LHFPL6: variants seen among roughly 807,000 people sequenced by gnomAD.
The protein encoded by LHFPL6 is LHFPL tetraspan subfamily member 6.
A neutral mutation model predicts 20.6 loss-of-function variants in LHFPL6; 9 were observed. That is an observed-to-expected ratio of 0.44 (90% CI 0.26 to 0.76). The LOEUF is 0.76. Among genes scored for constraint, LHFPL6 ranks in the 30% least tolerant of loss-of-function variants. The probability of loss-of-function intolerance (pLI) is 0.20; values close to 1 mark genes in which losing one functional copy is unlikely to be tolerated. For synonymous variants in LHFPL6, 105 were observed against 98.7 expected (o/e 1.06, Z -0.38); for missense variants, 218 against 253.5 (o/e 0.86, Z 0.95).
chr13:39,420,550 T>C (rs1305677346), intron 2 of LHFPL6, among the ~76,000 whole-genome samples: 1 of 152,200 alleles, frequency 6.6e-6, no homozygotes, highest in African/African-American at 2.4e-5. Context: ...CTTCCAGAAC[T>C]GATTTGTAGA....
chr13:39,519,336 A>G (rs1410079347), intron 2 of LHFPL6, among the ~76,000 whole-genome samples: 1 of 152,208 alleles, frequency 6.6e-6, no homozygotes, highest in African/African-American at 2.4e-5. Context: ...TCTATAGTAA[A>G]TCCACCTATT....
At chr13:39,533,761 T>A (rs1260850356) in intron 2 of LHFPL6, among the ~76,000 whole-genome samples, 1 of 152,222 alleles carries the variant, frequency 6.6e-6, no homozygotes, top group Admixed American at 6.5e-5. Flanking sequence ...CATATTTCCA[T>A]GTCTGAAGCA....
intron 2 of LHFPL6, among the ~76,000 whole-genome samples, chr13:39,458,495 G>C (rs548699385): frequency 1.3e-5 from 2 of 151,972 alleles, no homozygotes; most frequent in Non-Finnish European, 2.9e-5. Context: ...TCAGAAGTTC[G>C]AGACCAGCCT....
chr13:39,484,820 G>A (rs904636103), intron 2 of LHFPL6, among the ~76,000 whole-genome samples: 4 of 152,218 alleles, frequency 2.6e-5, no homozygotes, highest in African/African-American at 9.6e-5. Flanking sequence ...TGTGCAAAAT[G>A]AGGAGGTGCG....
chr13:39,483,787 G>C (rs1868620152), intron 2 of LHFPL6, among the ~76,000 whole-genome samples: 1 of 152,194 alleles, frequency 6.6e-6, no homozygotes, highest in Non-Finnish European at 1.5e-5. Flanking sequence ...GCCAGCACTT[G>C]CTTGTGATTA....
At chr13:39,476,497 T>C (rs1216180404) in intron 2 of LHFPL6, among the ~76,000 whole-genome samples, 1 of 152,242 alleles carries the variant, frequency 6.6e-6, no homozygotes, top group African/African-American at 2.4e-5. Flanking sequence ...GTCCTTGGCA[T>C]AAATTCTTTT....
chr13:39,483,478 T>C (rs952642048), intron 2 of LHFPL6, among the ~76,000 whole-genome samples: 1 of 143,626 alleles, frequency 7.0e-6, no homozygotes. Context: ...GTCTTCCTCA[T>C]TACAATTTTT....
At chr13:39,438,743 G>A (rs34726522) in intron 2 of LHFPL6, among the ~76,000 whole-genome samples, 2 of 152,350 alleles carry the variant, frequency 1.3e-5, no homozygotes, top group Non-Finnish European at 2.9e-5. Flanking sequence ...GTAAAGCTTA[G>A]GCCACAGTTT....
At chr13:39,344,195 T>C (rs1297189937) in intron 3 of LHFPL6, 141 bp from the exon 4 acceptor site, 1 of 617,128 alleles carries the variant, frequency 1.6e-6, no homozygotes, top group Non-Finnish European at 2.8e-6. Context: ...AATAATGTGC[T>C]GAAAGTTATC....
In LHFPL6 at chr13:39,442,130, G is replaced by A. The variant is rs1872156062; in HGVS notation, c.386-63604C>T. 7.2e-5 allele frequency among the ~76,000 whole-genome samples: 11 copies of A among 152,098 alleles called. No individual in the cohort carries two copies. The South Asian group carries it at 2.3e-3, about 32-fold the overall frequency. ...AGGCATGAGCCACCGCCCCCAGCTG[G>A]CTAAAACTTCTTTAGGTGTCTCTAC... On this transcript the variant is annotated intron_variant, in intron 2 of 3. Transcript: ENST00000379589.
chr13:39,457,096 G>A (rs1201883859), intron 2 of LHFPL6, among the ~76,000 whole-genome samples: 1 of 151,928 alleles, frequency 6.6e-6, no homozygotes, highest in Non-Finnish European at 1.5e-5. Context: ...CACAGCACTT[G>A]GCCAAATTAG....
At chr13:39,488,729 A>G (rs979932771) in intron 2 of LHFPL6, among the ~76,000 whole-genome samples, 3 of 152,232 alleles carry the variant, frequency 2.0e-5, no homozygotes, top group African/African-American at 4.8e-5. Flanking sequence ...TCCTGAAAAC[A>G]TGAAGCAAAG....
chr13:39,380,771 G>T (rs496593), intron 2 of LHFPL6, among the ~76,000 whole-genome samples: 85,571 of 151,952 alleles, frequency 0.56, 25,117 homozygotes, highest in Admixed American at 0.69. Context: ...GGGATGACAG[G>T]TGTGAACCAC....
At chr13:39,368,935 T>G (rs2138351536) in intron 3 of LHFPL6, among the ~76,000 whole-genome samples, 1 of 152,256 alleles carries the variant, frequency 6.6e-6, no homozygotes, top group South Asian at 2.1e-4. Flanking sequence ...GTTTTATATT[T>G]TATATATTCT....
At chr13:39,394,250 T>C (rs1466991082) in intron 2 of LHFPL6, among the ~76,000 whole-genome samples, 1 of 152,156 alleles carries the variant, frequency 6.6e-6, no homozygotes, top group Non-Finnish European at 1.5e-5. Context: ...CCAAATTTCC[T>C]CTTGCGATAA....
chr13:39,472,591 CTTTATT>C (rs924213256), intron 2 of LHFPL6, among the ~76,000 whole-genome samples: 2 of 151,968 alleles, frequency 1.3e-5, no homozygotes, highest in African/African-American at 2.4e-5. Context: ...TTCTTCCCCT[CTTTATT>C]TTATCATTTT....
chr13:39,436,135 G>GTAAAA (rs1251763922), intron 2 of LHFPL6, among the ~76,000 whole-genome samples: 1 of 152,020 alleles, frequency 6.6e-6, no homozygotes, highest in Admixed American at 6.6e-5. Context: ...TGTTAAGCAT[G>GTAAAA]TAAAGAAAGG....
At chr13:39,363,823 C>T (rs1161587780) in intron 3 of LHFPL6, among the ~76,000 whole-genome samples, 3 of 152,052 alleles carry the variant, frequency 2.0e-5, no homozygotes, top group African/African-American at 7.2e-5. Context: ...ACACCCAGAA[C>T]AAAAAGCTAT....
At position 39,343,623 on chromosome 13, in the gene LHFPL6, G is replaced by GTT; in HGVS notation, c.*312_*313insAA. ...ATTTGTTGTGTGTGTGTGTGTGTGT[G>GTT]TGTGTGTGTGTGTGTGTGTGTGTGT... is the stretch of plus-strand genomic sequence containing the variant. On this transcript the variant is annotated 3_prime_UTR_variant, in exon 4 of 4. Transcript: ENST00000379589. 3.6e-6 allele frequency: 1 copy of GTT among 274,370 alleles called. No homozygotes were observed. Among genetic ancestry groups the GTT allele is most frequent in the Middle Eastern group, 1.1e-3 (1 of 926 alleles). 17.0% of individuals were successfully genotyped at this position (274,370 alleles called of 1,614,324 possible). A position where few individuals can be genotyped will look rare whatever the true frequency, so the allele number is the denominator to read the frequency against.
Sources: gnomAD v4.1 joint callset for allele counts (sites outside exome capture counted in the v4.1 genomes callset) on GRCh38, gnomAD v4.1.1 for gene constraint, MANE v1.5 for transcripts, NCBI Gene and HGNC (gene_info 2026-07-23, HGNC 2026-07-21) for gene names.